RBFOX1: variants seen among roughly 807,000 people sequenced by gnomAD.
The protein encoded by RBFOX1 is RNA binding protein fox-1 homolog 1.
A neutral mutation model predicts 57.7 loss-of-function variants in RBFOX1; 8 were observed. The ratio of observed to expected loss-of-function variants is 0.14; its 90% CI spans 0.08 to 0.25. The LOEUF (loss-of-function observed/expected upper bound fraction) is 0.25, where lower values mean the gene tolerates loss of function less well. Among genes scored for constraint, RBFOX1 ranks in the 10% least tolerant of loss-of-function variants. The probability of loss-of-function intolerance (pLI) is 1.00; values close to 1 mark genes in which losing one functional copy is unlikely to be tolerated. For synonymous variants in RBFOX1, 326 were observed against 222.4 expected, an observed-to-expected ratio of 1.47 and a Z score of -4.15; for missense variants, 611 against 548.5, an observed-to-expected ratio of 1.11 and a Z score of -1.14.
intron 1 of RBFOX1, among the ~76,000 whole-genome samples, chr16:6,220,106 G>C (rs1351960069): frequency 6.6e-6 from 1 of 151,738 alleles, no homozygotes; most frequent in Non-Finnish European, 1.5e-5. Flanking sequence ...ACATATATAA[G>C]GGTATTTATC....
At chr16:6,839,579 T>C (rs952967832) in intron 3 of RBFOX1, among the ~76,000 whole-genome samples, 7 of 152,210 alleles carry the variant, frequency 4.6e-5, no homozygotes, top group African/African-American at 1.7e-4. Context: ...CCTGCTGGTA[T>C]TTCCACAATA....
chr16:7,430,840 T>G (rs926125449), intron 4 of RBFOX1, among the ~76,000 whole-genome samples: 1 of 152,176 alleles, frequency 6.6e-6, no homozygotes. Flanking sequence ...GCATCCTTAT[T>G]CATAGGAAGG....
At chr16:6,608,777 C>G (rs746202404) in intron 2 of RBFOX1, among the ~76,000 whole-genome samples, 6 of 152,200 alleles carry the variant, frequency 3.9e-5, no homozygotes, top group Non-Finnish European at 5.9e-5. Flanking sequence ...GTCTCAAAAA[C>G]AAACAAAAAC....
rs75493140 is a variant in RBFOX1, at chr16:6,305,127, C to T, written c.-126-11868C>T. On this transcript the variant is annotated intron_variant, in intron 1 of 15. Transcript: ENST00000550418. ...AAAGCACATCAATCAGTGTCTTTCT[C>T]GGGTTATCCCAAATCCTTCCACGGG... 8.9e-4 allele frequency among the ~76,000 whole-genome samples: 135 copies of T among 152,276 alleles called. No homozygotes were observed. In the East Asian group the frequency reaches 0.019, roughly 21 times the overall value.
At chr16:7,206,713 C>G (rs1000625666) in intron 4 of RBFOX1, among the ~76,000 whole-genome samples, 1 of 152,074 alleles carries the variant, frequency 6.6e-6, no homozygotes, top group East Asian at 1.9e-4. Context: ...TACGAAGTGA[C>G]AAACAGATGC....
intron 4 of RBFOX1, among the ~76,000 whole-genome samples, chr16:7,082,412 A>G (rs565718576): frequency 6.6e-6 from 1 of 151,902 alleles, no homozygotes; most frequent in Non-Finnish European, 1.5e-5. Flanking sequence ...ACAACCCTGC[A>G]TCTACCAAAA....
intron 3 of RBFOX1, among the ~76,000 whole-genome samples, chr16:6,916,739 A>G (rs968532470): frequency 6.6e-6 from 1 of 152,118 alleles, no homozygotes; most frequent in African/African-American, 2.4e-5. Flanking sequence ...AGCTCGGATT[A>G]CTTCCAGCTT....
chr16:6,362,957 A>G (rs1373789876), intron 2 of RBFOX1, among the ~76,000 whole-genome samples: 1 of 152,290 alleles, frequency 6.6e-6, no homozygotes, highest in South Asian at 2.1e-4. Context: ...AAAAGGTTGT[A>G]CAGCCTGCCA....
chr16:7,124,861 G>C (rs1355890622), intron 4 of RBFOX1, among the ~76,000 whole-genome samples: 1 of 152,002 alleles, frequency 6.6e-6, no homozygotes, highest in African/African-American at 2.4e-5. Context: ...AATTACTAAA[G>C]TGTATTCCTG....
intron 3 of RBFOX1, among the ~76,000 whole-genome samples, chr16:6,763,264 A>G (rs1013689367): frequency 2.2e-4 from 33 of 152,202 alleles, no homozygotes; most frequent in African/African-American, 7.0e-4. Context: ...GTTTATCACA[A>G]TTTCCTCCTG....
chr16:6,961,856 G>C (rs978464536), intron 3 of RBFOX1, among the ~76,000 whole-genome samples: 3 of 152,134 alleles, frequency 2.0e-5, no homozygotes, highest in African/African-American at 7.2e-5. Context: ...CACTTTCCTT[G>C]CCATCCTGGT....
intron 12 of RBFOX1, among the ~76,000 whole-genome samples, chr16:7,656,626 T>C (rs2066374530): frequency 2.0e-5 from 3 of 152,192 alleles, no homozygotes; most frequent in Admixed American, 6.5e-5. Context: ...GGAGGAAAAC[T>C]AAGATTTGAC....
At chr16:5,467,107 C>T (rs1381827677) in intron 1 of RBFOX1, 2 of 1,246,190 alleles carry the variant, frequency 1.6e-6, no homozygotes, top group African/African-American at 1.5e-5. Flanking sequence ...ATGAATAAAA[C>T]ATTCTTTTTT....
At chr16:6,913,747 A>C (rs541311449) in intron 3 of RBFOX1, among the ~76,000 whole-genome samples, 2 of 152,290 alleles carry the variant, frequency 1.3e-5, no homozygotes, top group East Asian at 1.9e-4. Context: ...GCGTCTGGGC[A>C]GCCAGCGGTT....
intron 4 of RBFOX1, among the ~76,000 whole-genome samples, chr16:7,056,062 G>C (rs540677915): frequency 6.6e-6 from 1 of 152,096 alleles, no homozygotes; most frequent in African/African-American, 2.4e-5. Context: ...GGACTGCACT[G>C]GATATAGTCT....
intron 1 of RBFOX1, among the ~76,000 whole-genome samples, chr16:6,272,118 G>C (rs912059266): frequency 2.0e-5 from 3 of 151,954 alleles, no homozygotes; most frequent in African/African-American, 4.8e-5. Flanking sequence ...GGTTTATTTC[G>C]GGGATGTTAA....
At chr16:6,998,004 A>G (rs1231263136) in intron 3 of RBFOX1, among the ~76,000 whole-genome samples, 2 of 152,052 alleles carry the variant, frequency 1.3e-5, no homozygotes, top group Admixed American at 6.6e-5. Context: ...AAAAAAAACT[A>G]AAATTGAAGG....
intron 3 of RBFOX1, among the ~76,000 whole-genome samples, chr16:5,791,190 A>G (rs866489969): frequency 6.6e-6 from 1 of 152,108 alleles, no homozygotes; most frequent in Non-Finnish European, 1.5e-5. Flanking sequence ...TTTGTCACGC[A>G]TGACTCAGCT....
At chr16:7,558,114 G>T (rs1024960670) in intron 5 of RBFOX1, among the ~76,000 whole-genome samples, 2 of 152,156 alleles carry the variant, frequency 1.3e-5, no homozygotes, top group Non-Finnish European at 2.9e-5. Flanking sequence ...CAGCACTTTG[G>T]GGGGCCGAGG....
Sources: allele counts gnomAD v4.1 joint callset (sites outside exome capture counted in the v4.1 genomes callset), GRCh38; gene constraint gnomAD v4.1.1; transcripts MANE v1.5; gene names NCBI Gene and HGNC (gene_info 2026-07-23, HGNC 2026-07-21).